SYNE2: variants seen among roughly 807,000 people sequenced by gnomAD.
SYNE2 encodes spectrin repeat containing nuclear envelope protein 2.
A neutral mutation model predicts 856.3 loss-of-function variants in SYNE2; 431 were observed. The observed-to-expected ratio is 0.50, with a 90% CI of 0.47 to 0.55. SYNE2 has a LOEUF of 0.55. Ranked by LOEUF, SYNE2 falls within the 20% of genes least tolerant of loss-of-function variation. The pLI is 0.00. For missense variants in SYNE2, 8,129 were observed against 8,023.2 expected (o/e 1.01, Z -0.50); for synonymous variants, 2,923 against 2,872.3 (o/e 1.02, Z -0.56).
Position 64,143,893 on chromosome 14 carries a change from A to T in SYNE2, c.15428A>T (p.His5143Leu). The change falls in exon 83 of 116, where the codon CAC becomes CTC. Residue 5143 changes from histidine (H) to leucine (L), a missense_variant. Coordinates refer to ENST00000555002, the MANE Select transcript of SYNE2 (RefSeq NM_182914.3). The stretch of plus-strand genomic sequence containing the variant: ...TATGAAAGAACGGAGTTTGCAGAGC[A>T]CCTGGGGGAGATGAACCGCCAGTGG... ...KRYERTEFAEHLGEMNRQWHR... is the reference protein window; with the variant it reads ...KRYERTEFAELLGEMNRQWHR... The T allele has an allele frequency of 6.2e-7, 1 of 1,614,226 alleles. No individual in the cohort carries two copies. Among genetic ancestry groups the T allele is most frequent in the South Asian group, 1.1e-5 (1 of 91,086 alleles).
At position 63,961,636 on chromosome 14, in the gene SYNE2, A is replaced by G. The variant is rs747593732; in HGVS notation, c.888+11A>G. 24 of 1,582,756 alleles carry G rather than the reference A, an allele frequency of 1.5e-5. No individual in the cohort carries two copies. Among genetic ancestry groups the G allele is most frequent in the Non-Finnish European group, 2.0e-5 (23 of 1,151,844 alleles). ...GGAGAGGAGGCTCAGGTATGTTTTC[A>G]TATGCATAAATCAAGCTCATTTTAG... On this transcript the variant is annotated intron_variant, in intron 9 of 115. Coordinates refer to ENST00000555002, the MANE Select transcript of SYNE2 (RefSeq NM_182914.3).
In SYNE2 at chr14:64,163,615, T is replaced by C. The variant is rs149596005; in HGVS notation, c.16479+34T>C. 2,450 of 1,612,222 alleles carry C rather than the reference T, an allele frequency of 1.5e-3. 34 individuals are homozygous for C. The African/African-American group carries it at 0.029, about 19-fold the overall frequency. ...TTTCTTTCCATTCAAGTTTTAGTCT[T>C]AGACATTTGCATTCCATCCTCAATC... On this transcript the variant is annotated intron_variant, in intron 89 of 115. Coordinates refer to ENST00000555002, the MANE Select transcript of SYNE2 (RefSeq NM_182914.3).
rs1462693468 is a variant in SYNE2, at chr14:64,049,680, A to C, written c.7447A>C (p.Lys2483Gln). The change falls in exon 47 of 116, where the codon AAA becomes CAA. Residue 2483 changes from lysine (K) to glutamine (Q), a missense_variant. Lys to Gln is a moderately conservative substitution (Grantham distance 53). Transcript: ENST00000555002. ...KPLEQTECLN[K>Q]TETGALVLHN... The stretch of plus-strand genomic sequence containing the variant: ...ACTGGAACAAACAGAATGTCTTAAC[A>C]AAACAGAAACTGGGGCCTTGGTTCT... 2.2e-5 allele frequency: 35 copies of C among 1,614,080 alleles called. No individual in the cohort carries two copies. The East Asian group carries it at 7.6e-4, about 35-fold the overall frequency.
rs1334699707 is a variant in SYNE2, at chr14:63,977,897, C to T, written c.1294-8C>T. 1 of 1,594,182 alleles carries T rather than the reference C, an allele frequency of 6.3e-7. No individual in the cohort carries two copies. The highest frequency in any genetic ancestry group is 8.6e-7 in the Non-Finnish European group (1 of 1,162,184). On this transcript the variant is annotated splice_region_variant and splice_polypyrimidine_tract_variant and intron_variant, in intron 12 of 115. Coordinates refer to ENST00000555002, the MANE Select transcript of SYNE2 (RefSeq NM_182914.3). ...GTATCGTTTATGTCATGCTGAATTT[C>T]TTTTCAGAGCCTGATGGATAGATTT...
In SYNE2 at chr14:63,974,852, A is replaced by ATGTG. The variant is rs1289413090; in HGVS notation, c.1129-1673_1129-1670dup. On this transcript the variant is annotated intron_variant, in intron 11 of 115. Transcript: ENST00000555002. ...TATATAGACGTGTGTGTGTGTGTAC[A>ATGTG]TGTGTGTGTGTGTGTGTGTGTGTGT... Among the ~76,000 whole-genome samples, 139 of 78,738 alleles carry ATGTG rather than the reference A, an allele frequency of 1.8e-3. 1 individual carries two copies. The highest frequency in any genetic ancestry group is 6.7e-3 in the South Asian group (11 of 1,640). 51.7% of individuals were successfully genotyped at this position (78,738 alleles called of 152,430 possible).
In SYNE2 at chr14:63,995,128, C is replaced by G. The variant is rs1180993618; in HGVS notation, c.2866C>G (p.Leu956Val). 2 of 1,602,428 alleles carry G rather than the reference C, an allele frequency of 1.2e-6. No individual in the cohort carries two copies. Among genetic ancestry groups the G allele is most frequent in the Non-Finnish European group, 1.7e-6 (2 of 1,173,868 alleles). ...KGKLSDNILK[L>V]EKQINKEKKL... ...AAAGCTTAGTGACAATATTTTAAAA[C>G]TTGAAAAGCAAATAAATAAAGAAAA... The change falls in exon 23 of 116, where the codon CTT (leucine) becomes GTT (valine). Residue 956 changes from leucine (L) to valine (V), a missense_variant. Coordinates refer to ENST00000555002, the MANE Select transcript of SYNE2 (RefSeq NM_182914.3).
At chr14:64,189,052 G>T in intron 98 of SYNE2, 1 of 695,526 alleles carries the variant, frequency 1.4e-6, no homozygotes, top group Non-Finnish European at 2.6e-6. Flanking sequence ...AGCTCCCCTT[G>T]GCCTGGCGTG....
At chr14:64,152,465 T>G (rs2053124896) in intron 84 of SYNE2, 99 bp from the exon 85 acceptor site, 1 of 1,173,786 alleles carries the variant, frequency 8.5e-7, no homozygotes, top group Non-Finnish European at 1.2e-6. Context: ...TATAATCTAA[T>G]GACATTTTTA....
At chr14:64,174,310 G>C (rs963002363) in intron 94 of SYNE2, among the ~76,000 whole-genome samples, 1 of 152,144 alleles carries the variant, frequency 6.6e-6, no homozygotes, top group Non-Finnish European at 1.5e-5. Flanking sequence ...GAGCTCAACT[G>C]ATCTGCCTGT....
chr14:64,170,302 A>C lies in SYNE2; in HGVS notation c.17075A>C (p.Lys5692Thr), dbSNP rs1343726945. 1 of 1,614,162 alleles carries C rather than the reference A, an allele frequency of 6.2e-7. No homozygotes were observed. Among genetic ancestry groups the C allele is most frequent in the South Asian group, 1.1e-5 (1 of 91,082 alleles). Reference protein sequence around the residue: ...QNAVQGVRQRKGDVDGLVRQW... With the variant: ...QNAVQGVRQRTGDVDGLVRQW... ...GCTGTCCAGGGTGTTCGGCAGAGGA[A>C]GGGTGACGTTGATGGGCTGGTGAGG... The change falls in exon 94 of 116, where the codon AAG becomes ACG. Residue 5692 changes from lysine to threonine, a missense_variant. Lys to Thr is a moderately conservative substitution (Grantham distance 78, BLOSUM62 -1). Around this residue, in one of 3 missense-constraint regions of SYNE2, gnomAD observed 5,410 missense variants for 5,284.8 expected, o/e 1.02. Transcript: ENST00000555002.
chr14:64,056,860 CAGG>C (rs2097274867), intron 49 of SYNE2, among the ~76,000 whole-genome samples: 1 of 151,974 alleles, frequency 6.6e-6, no homozygotes, highest in Non-Finnish European at 1.5e-5. Context: ...TTAGTAGAGA[CAGG>C]ATTTCTCCAT....
intron 109 of SYNE2, 102 bp from the exon 110 acceptor site, chr14:64,219,106 T>G (rs1216294549): frequency 6.3e-6 from 3 of 478,344 alleles, no homozygotes; most frequent in African/African-American, 2.4e-5. Context: ...GTTTTTTTGT[T>G]TTTTTTTTTT....
At chr14:64,113,286 C>T (rs1210297493) in intron 65 of SYNE2, 55 bp from the exon 66 acceptor site, 27 of 1,611,236 alleles carry the variant, frequency 1.7e-5, no homozygotes, top group East Asian at 2.2e-5. Flanking sequence ...CAGGTCTTTG[C>T]AGGCCCAAGT....
At chr14:64,005,553 G>T (rs780556636) in intron 30 of SYNE2, among the ~76,000 whole-genome samples, 3 of 152,186 alleles carry the variant, frequency 2.0e-5, no homozygotes, top group Admixed American at 6.5e-5. Context: ...AGTAAGAACC[G>T]AGTTACCATT....
In SYNE2 at chr14:63,967,751, T is replaced by A; in HGVS notation, c.1033T>A (p.Ser345Thr). The stretch of plus-strand genomic sequence containing the variant: ...GGAGTCATTCAATGAAGAAAAAAAG[T>A]CCTTTTTGGATGTCCTGTCAATAAA... ...FMESFNEEKK[S>T]FLDVLSIKRD... Residue 345 changes from serine (S) to threonine (T), a missense_variant, in exon 11 of 116, where the codon TCC becomes ACC. By Grantham distance (58) the Ser-to-Thr change is moderately conservative. Around this residue, in one of 3 missense-constraint regions of SYNE2, gnomAD observed 2,422 missense variants for 2,357.4 expected, o/e 1.03. Coordinates refer to ENST00000555002, the MANE Select transcript of SYNE2 (RefSeq NM_182914.3). The A allele has an allele frequency of 6.2e-7, 1 of 1,614,094 alleles. No individual in the cohort carries two copies. Among genetic ancestry groups the A allele is most frequent in the South Asian group, 1.1e-5 (1 of 91,080 alleles).
At chr14:63,957,565 GC>G (rs892609252) in intron 8 of SYNE2, among the ~76,000 whole-genome samples, 22 of 151,878 alleles carry the variant, frequency 1.4e-4, no homozygotes, top group Admixed American at 1.1e-3. Context: ...ACCACTCCTG[GC>G]CCCTTTTTGT....
intron 2 of SYNE2, among the ~76,000 whole-genome samples, chr14:63,918,920 C>T (rs147601822): frequency 0.019 from 2,935 of 152,296 alleles, 41 homozygotes; most frequent in Middle Eastern, 0.044. Flanking sequence ...TAGGATTTTT[C>T]ATAGTGGGAA....
chr14:64,102,604 G>A (rs1038211942), intron 64 of SYNE2, among the ~76,000 whole-genome samples: 1 of 148,080 alleles, frequency 6.8e-6, no homozygotes, highest in Non-Finnish European at 1.5e-5. Context: ...GCTGTATCAA[G>A]CTAATTAACA....
intron 30 of SYNE2, among the ~76,000 whole-genome samples, chr14:64,005,314 G>A (rs535134509): frequency 1.3e-5 from 2 of 152,328 alleles, no homozygotes; most frequent in South Asian, 4.1e-4. Flanking sequence ...ACCTATTGTA[G>A]TAATCCCTGG....
Sources: gnomAD v4.1 joint callset for allele counts (sites outside exome capture counted in the v4.1 genomes callset) on GRCh38, gnomAD v4.1.1 for gene constraint, gnomAD v4.1.1 regional missense constraint, MANE v1.5 for transcripts, NCBI Gene and HGNC (gene_info 2026-07-23, HGNC 2026-07-21) for gene names.